Variants in RILPL2 observed in about 807,000 individuals in gnomAD.
RILPL2 encodes the protein Rab interacting lysosomal protein like 2.
A neutral mutation model predicts 22.2 loss-of-function variants in RILPL2; 19 were observed. That is an observed-to-expected ratio of 0.86 (90% confidence interval 0.60 to 1.25). The LOEUF (loss-of-function observed/expected upper bound fraction) is 1.25, where lower values mean the gene tolerates loss of function less well. RILPL2 is among the 50% of genes most tolerant of loss of function. The probability of loss-of-function intolerance (pLI) is 0.00; values close to 1 mark genes in which losing one functional copy is unlikely to be tolerated. For missense variants in RILPL2, 243 were observed against 263.6 expected (o/e 0.92, Z 0.54); for synonymous variants, 123 against 111.6 (o/e 1.10, Z -0.64).
rs1173751363 is a variant in RILPL2 at position 123,415,784 on chromosome 12, A to G, written c.*107T>C. On this transcript the variant is annotated 3_prime_UTR_variant, in exon 4 of 4. Transcript: ENST00000280571. ...TCAGTCTGCTTTGAAGGGGAAATAA[A>G]TACACAGGCCTAGTGTGTCTGTGTG... 1 of 1,084,942 alleles carries G rather than the reference A, an allele frequency of 9.2e-7. No individual in the cohort carries two copies. The highest frequency in any genetic ancestry group is 2.4e-5 in the East Asian group (1 of 42,380). 67.2% of individuals were successfully genotyped at this position (1,084,942 alleles called of 1,614,324 possible).
intron 2 of RILPL2, among the ~76,000 whole-genome samples, chr12:123,428,409 T>A (rs1593493056): frequency 6.6e-6 from 1 of 152,320 alleles, no homozygotes; most frequent in African/African-American, 2.4e-5. Flanking sequence ...GTGCTGGGAT[T>A]ACAGGCGTGA....
chr12:123,422,077 T>A (rs1179821244), intron 3 of RILPL2, among the ~76,000 whole-genome samples: 1 of 149,562 alleles, frequency 6.7e-6, no homozygotes, highest in Non-Finnish European at 1.5e-5. Flanking sequence ...ATAATAGTGA[T>A]AATAGTTTAC....
chr12:123,434,535 G>A (rs554253137), intron 1 of RILPL2, among the ~76,000 whole-genome samples: 2 of 151,278 alleles, frequency 1.3e-5, no homozygotes, highest in South Asian at 2.1e-4. Context: ...GCAATTCTCC[G>A]GCCTCAGCCT....
At chr12:123,428,099 GTTTCTC>G (rs986552639) in intron 2 of RILPL2, among the ~76,000 whole-genome samples, 29 of 152,242 alleles carry the variant, frequency 1.9e-4, no homozygotes, top group African/African-American at 6.5e-4. Context: ...CAGCTTGGCA[GTTTCTC>G]TTTTTAACTA....
At chr12:123,423,186 T>A (rs1316739345) in intron 2 of RILPL2, 29 bp from the exon 3 acceptor site, 3 of 1,405,074 alleles carry the variant, frequency 2.1e-6, no homozygotes, top group Admixed American at 2.0e-5. Flanking sequence ...AATAAATGGA[T>A]TATTTTATTA....
chr12:123,423,400 C>A (rs1043589182), intron 2 of RILPL2, among the ~76,000 whole-genome samples: 1 of 151,564 alleles, frequency 6.6e-6, no homozygotes, highest in Non-Finnish European at 1.5e-5. Context: ...TGGGCTTCAC[C>A]GTGTTGCCCA....
At chr12:123,423,182 T>C in intron 2 of RILPL2, 25 bp from the exon 3 acceptor site, 1 of 1,362,010 alleles carries the variant, frequency 7.3e-7, no homozygotes, top group Non-Finnish European at 1.0e-6. Context: ...AAAAAATAAA[T>C]GGATTATTTT....
chr12:123,428,326 C>T (rs1048297237), intron 2 of RILPL2, among the ~76,000 whole-genome samples: 21 of 151,972 alleles, frequency 1.4e-4, no homozygotes, highest in African/African-American at 3.4e-4. Flanking sequence ...TTATTAGAGA[C>T]GGGGTTTCAC....
chr12:123,430,197 C>A (rs1176874408), intron 2 of RILPL2, among the ~76,000 whole-genome samples: 1 of 144,868 alleles, frequency 6.9e-6, no homozygotes, highest in Non-Finnish European at 1.5e-5. Flanking sequence ...ATCAGGAGGT[C>A]AGGAGATCGA....
At chr12:123,413,568 G>A (rs1208570844), downstream of RILPL2, 3 of 152,308 alleles carry the variant, frequency 2.0e-5, no homozygotes, top group Non-Finnish European at 4.4e-5. Flanking sequence ...GCTCATAAAA[G>A]CAGTGTGGAC....
intron 3 of RILPL2, among the ~76,000 whole-genome samples, chr12:123,421,122 A>G (rs1436745271): frequency 1.3e-5 from 2 of 150,190 alleles, no homozygotes; most frequent in Non-Finnish European, 3.0e-5. Flanking sequence ...GGCTCACCTC[A>G]ACCTCCGCCT....
At chr12:123,432,259 A>G (rs1176894579) in intron 1 of RILPL2, among the ~76,000 whole-genome samples, 1 of 152,126 alleles carries the variant, frequency 6.6e-6, no homozygotes, top group Non-Finnish European at 1.5e-5. Flanking sequence ...TAACCCCAGA[A>G]CTCTGGGAGG....
intron 1 of RILPL2, among the ~76,000 whole-genome samples, chr12:123,435,752 A>C (rs1879775549): frequency 6.6e-6 from 1 of 152,128 alleles, no homozygotes. Flanking sequence ...AGAAAAAAAA[A>C]GTGTTTCTTG....
intron 2 of RILPL2, among the ~76,000 whole-genome samples, chr12:123,427,415 G>T (rs1879472663): frequency 6.6e-6 from 1 of 152,148 alleles, no homozygotes; most frequent in Non-Finnish European, 1.5e-5. Context: ...CAGCCTACAT[G>T]CAAAGAGAGG....
At chr12:123,421,263 C>T (rs184048836) in intron 3 of RILPL2, among the ~76,000 whole-genome samples, 3 of 152,084 alleles carry the variant, frequency 2.0e-5, no homozygotes, top group Admixed American at 6.6e-5. Context: ...AGGCTGGTCT[C>T]GAACTCATGA....
chr12:123,432,422 C>G (rs1879678357), intron 1 of RILPL2, among the ~76,000 whole-genome samples: 1 of 152,146 alleles, frequency 6.6e-6, no homozygotes, highest in Admixed American at 6.6e-5. Flanking sequence ...GGAGGATCAC[C>G]TGAGCCCAGG....
In RILPL2 at chr12:123,424,331, A is replaced by AT. The variant is rs56046247; in HGVS notation, c.492-1175dup. Among the ~76,000 whole-genome samples the AT allele has an allele frequency of 4.0e-3, 534 of 135,180 alleles. 10 individuals carry two copies. Among genetic ancestry groups the AT allele is most frequent in the African/African-American group, 8.3e-3 (310 of 37,166 alleles). 88.7% of individuals were successfully genotyped at this position (135,180 alleles called of 152,430 possible). A position where few individuals can be genotyped will look rare whatever the true frequency, so the allele number is the denominator to read the frequency against. On this transcript the variant is annotated intron_variant, in intron 2 of 3. Coordinates refer to ENST00000280571, the MANE Select transcript of RILPL2 (RefSeq NM_145058.3). ...TAAGTCAGATGTTGATAAGAGTTAGATTTTTTTTTTTTTTTTTTGAGACAG... is the reference window on the plus strand; with the variant it reads ...TAAGTCAGATGTTGATAAGAGTTAGATTTTTTTTTTTTTTTTTTTGAGACAG...
intron 2 of RILPL2, among the ~76,000 whole-genome samples, chr12:123,425,612 C>T (rs926036175): frequency 4.0e-5 from 6 of 151,650 alleles, no homozygotes; most frequent in Non-Finnish European, 7.4e-5. Flanking sequence ...CTCCCTCCTT[C>T]TTCATAAAAG....
At chr12:123,428,168 G>A (rs1056862610) in intron 2 of RILPL2, among the ~76,000 whole-genome samples, 7 of 151,960 alleles carry the variant, frequency 4.6e-5, no homozygotes, top group East Asian at 1.9e-4. Context: ...ATGGAGTCTC[G>A]CTCTTCCGCC....
Sources: gnomAD v4.1 joint callset for allele counts (sites outside exome capture counted in the v4.1 genomes callset) on GRCh38, gnomAD v4.1.1 for gene constraint, MANE v1.5 for transcripts, NCBI Gene and HGNC (gene_info 2026-07-23, HGNC 2026-07-21) for gene names.